DDX42: variants seen among roughly 807,000 people sequenced by gnomAD.
DDX42 encodes the protein DEAD-box helicase 42.
In DDX42, 22 loss-of-function variants were observed where a neutral mutation model predicts 101.5. The ratio of observed to expected loss-of-function variants is 0.22; its 90% CI spans 0.15 to 0.31. The LOEUF (loss-of-function observed/expected upper bound fraction) is 0.31. DDX42 is among the 10% of genes least tolerant of loss of function. The pLI, the probability that DDX42 is intolerant of heterozygous loss-of-function variation, is 1.00. For synonymous variants in DDX42, 402 were observed against 401.2 expected (o/e 1.00, Z -0.02); for missense variants, 849 against 1,199.9 (o/e 0.71, Z 4.32).
intron 15 of DDX42, 27 bp downstream of exon 15, chr17:63,813,481 G>C: frequency 6.3e-7 from 1 of 1,597,160 alleles, no homozygotes; most frequent in Admixed American, 1.7e-5. Flanking sequence ...ACTTTCAATT[G>C]CTCCTGGTTA....
At chr17:63,786,912 A>G (rs2039554054) in intron 1 of DDX42, 122 bp from the exon 2 acceptor site, 3 of 906,860 alleles carry the variant, frequency 3.3e-6, no homozygotes, top group African/African-American at 3.3e-5. Context: ...TCCTGACCTC[A>G]TGGTCCACCT....
Position 63,818,321 on chromosome 17 carries a change from A to G in DDX42, c.2740A>G (p.Ser914Gly). The stretch of plus-strand genomic sequence containing the variant: ...CAGCAGCAAGATGGACAAGGTGGAC[A>G]GCAAGACAGATAAGACAGCTGACGG... ...VDSSKMDKVD[S>G]KTDKTADGFA... is the part of the protein sequence containing the mutation. The change falls in exon 18 of 18, where the codon AGC becomes GGC. Residue 914 changes from serine (S) to glycine (G), a missense_variant. This residue lies in a region of DDX42 where 300 missense variants were observed against 304.9 expected (regional missense o/e 0.98). Transcript: ENST00000389924. 1 of 1,614,206 alleles carries G rather than the reference A, an allele frequency of 6.2e-7. No individual in the cohort carries two copies. Among genetic ancestry groups the G allele is most frequent in the Non-Finnish European group, 8.5e-7 (1 of 1,180,048 alleles).
chr17:63,793,768 C>G, intron 3 of DDX42, among the ~76,000 whole-genome samples: 1 of 151,472 alleles, frequency 6.6e-6, no homozygotes, highest in Non-Finnish European at 1.5e-5. Context: ...TTACAGCTCT[C>G]TATATTGATT....
At chr17:63,815,505 CTCT>C (rs1406286222) in intron 15 of DDX42, 55 bp from the exon 16 acceptor site, 23 of 1,333,626 alleles carry the variant, frequency 1.7e-5, no homozygotes, top group African/African-American at 1.5e-4. Flanking sequence ...TGTCCTCGTT[CTCT>C]TCTTCTGTTC....
In DDX42 at chr17:63,811,319, TGTG is replaced by T. The variant is rs2039907719; in HGVS notation, c.1398+148_1398+150del. 19 of 608,746 alleles carry T rather than the reference TGTG, an allele frequency of 3.1e-5. No homozygotes were observed. In the East Asian group the frequency reaches 5.9e-4, roughly 19 times the overall value. The allele number at this position is 608,746 out of a possible 1,614,324, so 37.7% of individuals were successfully genotyped here. A position where few individuals can be genotyped will look rare whatever the true frequency, so the allele number is the denominator to read the frequency against. On this transcript the variant is annotated intron_variant, in intron 13 of 17. Transcript: ENST00000389924. Reference sequence around the variant, plus strand: ...GCTTGAGATTGGGTATTTTGCAAGTTGTGGGGATAGACGTAACAAGACTGGCAA... The same window carrying T: ...GCTTGAGATTGGGTATTTTGCAAGTTGGGATAGACGTAACAAGACTGGCAA...
At chr17:63,808,534 C>G (rs973086191) in intron 9 of DDX42, among the ~76,000 whole-genome samples, 1 of 152,046 alleles carries the variant, frequency 6.6e-6, no homozygotes, top group Admixed American at 6.6e-5. Context: ...GTATTATAAG[C>G]TGACAGTTTT....
At chr17:63,804,676 C>T (rs879867539) in intron 6 of DDX42, among the ~76,000 whole-genome samples, 2 of 152,096 alleles carry the variant, frequency 1.3e-5, no homozygotes. Flanking sequence ...TTAAGAGTCT[C>T]TTTAGGAAGT....
chr17:63,787,497 G>A (rs980424986), intron 2 of DDX42, among the ~76,000 whole-genome samples: 7 of 152,000 alleles, frequency 4.6e-5, no homozygotes, highest in Admixed American at 1.3e-4. Flanking sequence ...TCAGTGTTAC[G>A]TCCTACTGGG....
At chr17:63,786,629 A>C (rs2039550419) in intron 1 of DDX42, among the ~76,000 whole-genome samples, 1 of 152,176 alleles carries the variant, frequency 6.6e-6, no homozygotes, top group Non-Finnish European at 1.5e-5. Flanking sequence ...AATTTAAAAT[A>C]AAATTTTAGG....
At chr17:63,798,403 C>T (rs1244295470) in intron 4 of DDX42, among the ~76,000 whole-genome samples, 1 of 152,142 alleles carries the variant, frequency 6.6e-6, no homozygotes, top group Non-Finnish European at 1.5e-5. Flanking sequence ...AGTTTAGGCT[C>T]ATTGTTCTGA....
chr17:63,792,937 A>G (rs929630039), intron 3 of DDX42, among the ~76,000 whole-genome samples: 1 of 152,172 alleles, frequency 6.6e-6, no homozygotes, highest in African/African-American at 2.4e-5. Context: ...TAAATTCTGT[A>G]TTCTGTAGTT....
At position 63,787,003 on chromosome 17, in the gene DDX42, A is replaced by T. The variant is rs2039555311; in HGVS notation, c.-16-31A>T. The T allele has an allele frequency of 3.1e-6, 5 of 1,607,052 alleles. No homozygotes were observed. In the African/African-American group the frequency reaches 5.4e-5, roughly 17 times the overall value. ...TGGGGCTATACACTTTTTTAAGTTT[A>T]ATTTATATTTGTGTATCTTATTCCT... On this transcript the variant is annotated intron_variant, in intron 1 of 17. Transcript: ENST00000389924.
chr17:63,814,489 T>C (rs1351714457), intron 15 of DDX42, among the ~76,000 whole-genome samples: 1 of 152,190 alleles, frequency 6.6e-6, no homozygotes, highest in African/African-American at 2.4e-5. Context: ...CACAGAGAGC[T>C]AGTCCTAAAT....
Position 63,818,656 on chromosome 17 carries a change from G to C in DDX42, c.*258G>C. The C allele has an allele frequency of 2.4e-6, 1 of 421,718 alleles. No individual in the cohort carries two copies. 26.1% of individuals were successfully genotyped at this position (421,718 alleles called of 1,614,324 possible). A position where few individuals can be genotyped will look rare whatever the true frequency, so the allele number is the denominator to read the frequency against. ...GTGAGTTGTCATGTGGGTAAGTTGA[G>C]GTTATCTTGGGATAAAGGGTCTTCT... On this transcript the variant is annotated 3_prime_UTR_variant, in exon 18 of 18. Coordinates refer to ENST00000389924, the MANE Select transcript of DDX42 (RefSeq NM_203499.3).
chr17:63,776,678 C>G (rs2039425401), intron 1 of DDX42, among the ~76,000 whole-genome samples: 1 of 145,714 alleles, frequency 6.9e-6, no homozygotes. Flanking sequence ...GTTGCCCAGG[C>G]TGGTCTTGAA....
rs1045321551 is a variant in DDX42, at chr17:63,792,287, C to G, written c.222-125C>G. On this transcript the variant is annotated intron_variant, in intron 2 of 17. Transcript: ENST00000389924. ...GGTCATTAGCCAAAGCCTTGGAGGT[C>G]TCTAATTTGATCTGCATTACATCTC... 23 of 1,021,900 alleles carry G rather than the reference C, an allele frequency of 2.3e-5. No homozygotes were observed. The East Asian group carries it at 6.1e-4, about 27-fold the overall frequency. The allele number at this position is 1,021,900 out of a possible 1,614,324, so 63.3% of individuals were successfully genotyped here.
At chr17:63,799,076 C>G (rs1052138003) in intron 4 of DDX42, among the ~76,000 whole-genome samples, 1 of 152,182 alleles carries the variant, frequency 6.6e-6, no homozygotes, top group South Asian at 2.1e-4. Flanking sequence ...GTTTTATTCC[C>G]AAACTCATAA....
chr17:63,787,020 C>A lies in DDX42; in HGVS notation c.-16-14C>A, dbSNP rs771608731. The A allele has an allele frequency of 1.2e-6, 2 of 1,612,754 alleles. No individual in the cohort carries two copies. The highest frequency in any genetic ancestry group is 2.2e-5 in the East Asian group (1 of 44,850). ...TTAAGTTTAATTTATATTTGTGTATCTTATTCCTAACAGGTCAGTCATTGG... is the reference window on the plus strand; with the variant it reads ...TTAAGTTTAATTTATATTTGTGTATATTATTCCTAACAGGTCAGTCATTGG... On this transcript the variant is annotated splice_polypyrimidine_tract_variant and intron_variant, in intron 1 of 17. Coordinates refer to ENST00000389924, the MANE Select transcript of DDX42 (RefSeq NM_203499.3).
intron 1 of DDX42, among the ~76,000 whole-genome samples, chr17:63,786,260 C>T (rs2039546174): frequency 6.6e-6 from 1 of 151,942 alleles, no homozygotes; most frequent in Non-Finnish European, 1.5e-5. Context: ...TTTTAAGAGA[C>T]AGGATTTCAC....
Sources: allele counts gnomAD v4.1 joint callset (sites outside exome capture counted in the v4.1 genomes callset), GRCh38; gene constraint gnomAD v4.1.1; regional missense constraint gnomAD v4.1.1; transcripts MANE v1.5; gene names NCBI Gene and HGNC (gene_info 2026-07-23, HGNC 2026-07-21).